MED12L: variants seen among roughly 807,000 people sequenced by gnomAD.
The protein encoded by MED12L is mediator of RNA polymerase II transcription subunit 12-like protein.
Under a neutral mutation model 281.3 loss-of-function variants are expected in MED12L, and 60 were observed. That is an observed-to-expected ratio of 0.21 (90% confidence interval 0.17 to 0.26). The LOEUF (loss-of-function observed/expected upper bound fraction) is 0.26. Among genes scored for constraint, MED12L ranks in the 10% least tolerant of loss-of-function variants. The pLI is 1.00. For synonymous variants in MED12L, 974 were observed against 987.2 expected (o/e 0.99, Z 0.25); for missense variants, 2,146 against 2,680.9 (o/e 0.80, Z 4.41).
chr3:151,247,448 T>C (rs561554095), intron 16 of MED12L, among the ~76,000 whole-genome samples: 1 of 151,888 alleles, frequency 6.6e-6, no homozygotes, highest in Non-Finnish European at 1.5e-5. Context: ...AATGATGAGT[T>C]CATGTCCTTT....
chr3:151,213,386 G>T (rs139530456), intron 16 of MED12L: 13 of 1,613,582 alleles, frequency 8.1e-6, no homozygotes, highest in Non-Finnish European at 1.1e-5. Flanking sequence ...AATGGAATGT[G>T]CAATTTCTTA....
intron 9 of MED12L, 50 bp from the exon 10 acceptor site, chr3:151,165,370 T>C (rs780580805): frequency 1.4e-6 from 2 of 1,446,642 alleles, no homozygotes; most frequent in Admixed American, 1.7e-5. Flanking sequence ...GATTTAGACA[T>C]GCGCTGTGGC....
At chr3:151,163,190 A>C (rs549765118) in intron 8 of MED12L, among the ~76,000 whole-genome samples, 1 of 152,284 alleles carries the variant, frequency 6.6e-6, no homozygotes, top group Non-Finnish European at 1.5e-5. Context: ...TGTGACACAT[A>C]AGCAAGATGG....
chr3:151,258,456 T>C (rs549371982), intron 16 of MED12L, among the ~76,000 whole-genome samples: 18 of 152,316 alleles, frequency 1.2e-4, no homozygotes, highest in African/African-American at 3.8e-4. Flanking sequence ...TATCTGAGGC[T>C]GGCCCTGGGT....
At chr3:151,420,364 A>G (rs1217929630) in intron 43 of MED12L, among the ~76,000 whole-genome samples, 1 of 152,164 alleles carries the variant, frequency 6.6e-6, no homozygotes, top group Non-Finnish European at 1.5e-5. Flanking sequence ...CCAGTTTAAT[A>G]GAATCATTGT....
intron 16 of MED12L, among the ~76,000 whole-genome samples, chr3:151,196,651 C>T (rs1441962053): frequency 6.6e-6 from 1 of 152,196 alleles, no homozygotes; most frequent in Non-Finnish European, 1.5e-5. Flanking sequence ...CTACAGCCTG[C>T]AACTGAGGTA....
chr3:151,374,785 A>G (rs1432726937), intron 27 of MED12L, among the ~76,000 whole-genome samples: 2 of 152,156 alleles, frequency 1.3e-5, no homozygotes, highest in East Asian at 1.9e-4. Flanking sequence ...AGCTCTGGCT[A>G]TAGAATAGCT....
chr3:151,267,662 A>G (rs1326802179), intron 16 of MED12L, among the ~76,000 whole-genome samples: 3 of 152,174 alleles, frequency 2.0e-5, no homozygotes, highest in Admixed American at 2.0e-4. Context: ...TGAGAGTAAT[A>G]TCTTGTAACA....
At position 151,190,739 on chromosome 3, in the gene MED12L, A is replaced by G; in HGVS notation, c.1776A>G (p.Glu592=). Residue 592 remains glutamate, a synonymous_variant, in exon 14 of 45, where the codon GAA becomes GAG. Coordinates refer to ENST00000687756, the MANE Select transcript of MED12L (RefSeq NM_001393769.1). ...TAGCGGACCCAAACAGTGAATGTGA[A>G]AAGGTGGAATTTGTGAACCTGGTGC... is the stretch of plus-strand genomic sequence containing the variant. ...PSLSDPNSEC[E]KVEFVNLVLL... is the part of the protein sequence containing the mutation. 6.2e-7 allele frequency: 1 copy of G among 1,614,172 alleles called. No homozygotes were observed. The highest frequency in any genetic ancestry group is 8.5e-7 in the Non-Finnish European group (1 of 1,180,018).
intron 27 of MED12L, among the ~76,000 whole-genome samples, chr3:151,373,679 T>C (rs1162202532): frequency 2.0e-5 from 3 of 152,194 alleles, no homozygotes; most frequent in African/African-American, 7.2e-5. Flanking sequence ...TATAATATAC[T>C]GTACTTAGTT....
intron 20 of MED12L, 43 bp from the exon 21 acceptor site, chr3:151,360,431 G>A: frequency 1.3e-6 from 2 of 1,591,056 alleles, no homozygotes; most frequent in Non-Finnish European, 1.7e-6. Context: ...AACCCACATA[G>A]TACAAATCTA....
At chr3:151,213,674 T>C in intron 16 of MED12L, 1 of 1,614,222 alleles carries the variant, frequency 6.2e-7, no homozygotes, top group East Asian at 2.2e-5. Flanking sequence ...AGGTGGGACT[T>C]AAAGATTTTC....
intron 16 of MED12L, among the ~76,000 whole-genome samples, chr3:151,277,357 A>T (rs1300310631): frequency 6.6e-6 from 1 of 152,224 alleles, no homozygotes; most frequent in East Asian, 1.9e-4. Context: ...TACAAATCAT[A>T]AAATATGCCA....
intron 2 of MED12L, 72 bp downstream of exon 2, chr3:151,087,097 CAG>C: frequency 1.6e-6 from 2 of 1,257,180 alleles, no homozygotes; most frequent in Non-Finnish European, 2.2e-6. Context: ...CAAGTTGGCC[CAG>C]CGGGCATCGC....
In MED12L at chr3:151,430,340, G is replaced by A. The variant is rs1719337783; in HGVS notation, c.6450G>A (p.Gln2150=). 1 of 1,613,994 alleles carries A rather than the reference G, an allele frequency of 6.2e-7. No individual in the cohort carries two copies. Among genetic ancestry groups the A allele is most frequent in the Admixed American group, 1.7e-5 (1 of 60,006 alleles). Residue 2150 remains glutamine (Q), a synonymous_variant, in exon 44 of 45, where the codon CAG becomes CAA. Transcript: ENST00000687756. ...TGCAGCAGACCCAGCAGCAGCAGCAGACGGCCGCCTTGGTGCGGCAGCTCC... is the reference window on the plus strand; with the variant it reads ...TGCAGCAGACCCAGCAGCAGCAGCAAACGGCCGCCTTGGTGCGGCAGCTCC... The part of the protein sequence containing the change: ...QGLQQTQQQQ[Q]TAALVRQLQK...
chr3:151,193,363 T>G, intron 15 of MED12L, 127 bp from the exon 16 acceptor site: 1 of 637,762 alleles, frequency 1.6e-6, no homozygotes, highest in Admixed American at 3.0e-5. Context: ...CTTCATATTT[T>G]TTTGCTAAGT....
chr3:151,323,823 C>A (rs1298670463), intron 16 of MED12L, among the ~76,000 whole-genome samples: 2 of 152,170 alleles, frequency 1.3e-5, no homozygotes, highest in Non-Finnish European at 2.9e-5. Flanking sequence ...ACAAATGAAT[C>A]CACTATTGGG....
intron 16 of MED12L, among the ~76,000 whole-genome samples, chr3:151,226,739 G>C (rs1231005603): frequency 6.6e-6 from 1 of 152,128 alleles, no homozygotes; most frequent in African/African-American, 2.4e-5. Context: ...TTATCTTCCA[G>C]ATACTGCGGC....
intron 38 of MED12L, among the ~76,000 whole-genome samples, chr3:151,390,419 T>C (rs1714052064): frequency 6.6e-6 from 1 of 152,270 alleles, no homozygotes; most frequent in Non-Finnish European, 1.5e-5. Flanking sequence ...TTTTATGTTA[T>C]AAAATGTGTG....
Sources: gnomAD v4.1 joint callset for allele counts (sites outside exome capture counted in the v4.1 genomes callset) on GRCh38, gnomAD v4.1.1 for gene constraint, MANE v1.5 for transcripts, NCBI Gene and HGNC (gene_info 2026-07-23, HGNC 2026-07-21) for gene names.